Variants in PTPRT observed in about 807,000 individuals in gnomAD.
The protein encoded by PTPRT is receptor-type tyrosine-protein phosphatase T.
Under a neutral mutation model 176.8 loss-of-function variants are expected in PTPRT, and 56 were observed. The observed-to-expected ratio is 0.32, with a 90% CI of 0.26 to 0.40. The LOEUF is 0.40. PTPRT is among the 10% of genes least tolerant of loss of function. PTPRT has a pLI of 1.00. For missense variants in PTPRT, 1,540 were observed against 1,908.2 expected, an observed-to-expected ratio of 0.81 and a Z score of 3.60; for synonymous variants, 783 against 739.0, an observed-to-expected ratio of 1.06 and a Z score of -0.96.
At chr20:43,052,728 C>T (rs77496805) in intron 1 of PTPRT, among the ~76,000 whole-genome samples, 3,686 of 152,314 alleles carry the variant, frequency 0.024, 163 homozygotes, top group African/African-American at 0.084. Flanking sequence ...ACCATTGCCA[C>T]AGCCAATTAT....
intron 1 of PTPRT, among the ~76,000 whole-genome samples, chr20:42,978,601 C>T (rs1191652120): frequency 1.3e-5 from 2 of 152,074 alleles, no homozygotes; most frequent in African/African-American, 4.8e-5. Context: ...CATTCCCAGA[C>T]GGTTAAGGCA....
chr20:42,766,238 C>A (rs1345263501), intron 5 of PTPRT, among the ~76,000 whole-genome samples: 1 of 152,216 alleles, frequency 6.6e-6, no homozygotes, highest in African/African-American at 2.4e-5. Context: ...AGTTACATGT[C>A]TGGATTCCTC....
Position 42,204,970 on chromosome 20 carries a change from ATTTC to A in PTPRT, c.2343-5586_2343-5583del, listed in dbSNP as rs2055416831. Among the ~76,000 whole-genome samples the A allele has an allele frequency of 2.3e-5, 3 of 128,388 alleles. No individual in the cohort carries two copies. The South Asian group carries it at 7.7e-4, about 33-fold the overall frequency. 84.2% of individuals were successfully genotyped at this position (128,388 alleles called of 152,430 possible). A position where few individuals can be genotyped will look rare whatever the true frequency, so the allele number is the denominator to read the frequency against. ...CAGGTTGGCTTGATACAACGAAGGA[ATTTC>A]TTTTTTTTTTTTTATTATACTTTTA... On this transcript the variant is annotated intron_variant, in intron 15 of 30. Transcript: ENST00000373187.
chr20:43,090,435 T>A (rs2011786833), intron 1 of PTPRT, among the ~76,000 whole-genome samples: 1 of 152,048 alleles, frequency 6.6e-6, no homozygotes, highest in African/African-American at 2.4e-5. Flanking sequence ...GCCTGGCTAA[T>A]TTTTTTGTAT....
Position 42,660,240 on chromosome 20 carries a change from G to A in PTPRT, c.1153+17626C>T, listed in dbSNP as rs560452812. Among the ~76,000 whole-genome samples, 46 of 152,234 alleles carry A rather than the reference G, an allele frequency of 3.0e-4. 1 individual carries two copies. In the Middle Eastern group the frequency reaches 0.01, roughly 34 times the overall value. On this transcript the variant is annotated intron_variant, in intron 7 of 30. Coordinates refer to ENST00000373187, the MANE Select transcript of PTPRT (RefSeq NM_007050.6). ...CTCCACCATTATGTCTACAAGTTCA[G>A]AAGATTTGTAAATATGGCACCCACT...
rs943157655 is a variant in PTPRT, at chr20:42,080,706, G to A, written c.*173C>T. 2 of 532,664 alleles carry A rather than the reference G, an allele frequency of 3.8e-6. No homozygotes were observed. The highest frequency in any genetic ancestry group is 6.6e-6 in the Non-Finnish European group (2 of 303,776). 33.0% of individuals were successfully genotyped at this position (532,664 alleles called of 1,614,324 possible). ...GGAGCAGCATCTCCCACGGCAACAG[G>A]AGACCCCTCAGAAGGTGCAGAGCCC... On this transcript the variant is annotated 3_prime_UTR_variant, in exon 31 of 31. Transcript: ENST00000373187.
chr20:42,229,142 C>T (rs924074057), intron 15 of PTPRT, among the ~76,000 whole-genome samples: 2 of 152,120 alleles, frequency 1.3e-5, no homozygotes, highest in Non-Finnish European at 2.9e-5. Flanking sequence ...TGTGAGGATG[C>T]CATGAGAGTT....
chr20:42,839,329 G>A (rs553960813), intron 2 of PTPRT, among the ~76,000 whole-genome samples: 19 of 147,606 alleles, frequency 1.3e-4, no homozygotes, highest in African/African-American at 2.5e-4. Context: ...TTTTTAAAGC[G>A]CCCTTCACAT....
chr20:43,115,694 A>G (rs991078223), intron 1 of PTPRT, among the ~76,000 whole-genome samples: 1 of 152,206 alleles, frequency 6.6e-6, no homozygotes, highest in African/African-American at 2.4e-5. Context: ...TCAATTACCA[A>G]TTTCAGCCAA....
chr20:42,499,350 G>A (rs1356939281), intron 7 of PTPRT, among the ~76,000 whole-genome samples: 1 of 149,910 alleles, frequency 6.7e-6, no homozygotes, highest in Non-Finnish European at 1.5e-5. Flanking sequence ...GAAGTGCAAT[G>A]GCACAATCTC....
At chr20:42,563,380 G>A (rs1326088277) in intron 7 of PTPRT, among the ~76,000 whole-genome samples, 1 of 152,090 alleles carries the variant, frequency 6.6e-6, no homozygotes, top group East Asian at 1.9e-4. Flanking sequence ...TGATGGTTTT[G>A]GGAAATTAGA....
intron 1 of PTPRT, among the ~76,000 whole-genome samples, chr20:43,184,786 TTC>T (rs2015349722): frequency 6.6e-6 from 1 of 152,198 alleles, no homozygotes; most frequent in Non-Finnish European, 1.5e-5. Context: ...CATGGTTGAC[TTC>T]TGTTACGTCC....
At chr20:42,506,156 T>C (rs2071840421) in intron 7 of PTPRT, among the ~76,000 whole-genome samples, 1 of 152,222 alleles carries the variant, frequency 6.6e-6, no homozygotes, top group Non-Finnish European at 1.5e-5. Context: ...GTGTATGTTT[T>C]ATGTACCCAA....
At position 43,007,019 on chromosome 20, in the gene PTPRT, G is replaced by C. The variant is rs140134827; in HGVS notation, c.89-121087C>G. 7.4e-3 allele frequency among the ~76,000 whole-genome samples: 1,125 copies of C among 152,246 alleles called. 56 individuals are homozygous for C. Among genetic ancestry groups the C allele is most frequent in the Admixed American group, 0.063 (965 of 15,284 alleles). ...CATACATCAGCATGAACTGAACCCA[G>C]GTGAATCTTGCCAGAACAATCACAG... On this transcript the variant is annotated intron_variant, in intron 1 of 30. Coordinates refer to ENST00000373187, the MANE Select transcript of PTPRT (RefSeq NM_007050.6).
At chr20:42,774,496 A>G (rs530346729) in intron 4 of PTPRT, among the ~76,000 whole-genome samples, 41 of 152,296 alleles carry the variant, frequency 2.7e-4, no homozygotes, top group African/African-American at 9.9e-4. Context: ...GCCAGTAAGA[A>G]ATCCAGACTT....
intron 1 of PTPRT, among the ~76,000 whole-genome samples, chr20:42,887,819 T>C (rs1159961021): frequency 6.6e-6 from 1 of 152,192 alleles, no homozygotes; most frequent in Non-Finnish European, 1.5e-5. Context: ...TCCCCTTAAA[T>C]TCATATGTTG....
At chr20:42,224,455 C>T (rs2055958635) in intron 15 of PTPRT, among the ~76,000 whole-genome samples, 2 of 152,168 alleles carry the variant, frequency 1.3e-5, no homozygotes. Flanking sequence ...TTTTACTTTC[C>T]AAACTCAAGT....
At chr20:42,749,465 A>G (rs939492227) in intron 6 of PTPRT, among the ~76,000 whole-genome samples, 1 of 152,144 alleles carries the variant, frequency 6.6e-6, no homozygotes, top group African/African-American at 2.4e-5. Flanking sequence ...GGTCTACCAT[A>G]CTGGATTTTG....
intron 9 of PTPRT, among the ~76,000 whole-genome samples, chr20:42,427,222 G>T (rs760551620): frequency 3.9e-5 from 6 of 152,128 alleles, no homozygotes; most frequent in Non-Finnish European, 8.8e-5. Context: ...GGCACCTACT[G>T]CATGGCAATA....
Sources: gnomAD v4.1 joint callset for allele counts (sites outside exome capture counted in the v4.1 genomes callset) on GRCh38, gnomAD v4.1.1 for gene constraint, MANE v1.5 for transcripts, NCBI Gene and HGNC (gene_info 2026-07-23, HGNC 2026-07-21) for gene names.